The following GRIK4 variants were observed in gnomAD, a reference collection of about 807,000 sequenced individuals.
GRIK4 encodes the protein glutamate ionotropic receptor kainate type subunit 4.
Under a neutral mutation model 104.9 loss-of-function variants are expected in GRIK4, and 40 were observed. That is an observed-to-expected ratio of 0.38 (90% CI 0.30 to 0.50). GRIK4 has a LOEUF of 0.50. Among genes scored for constraint, GRIK4 ranks in the 20% least tolerant of loss-of-function variants. The pLI is 0.93. For synonymous variants in GRIK4, 485 were observed against 524.9 expected (o/e 0.92, Z 1.04); for missense variants, 1,047 against 1,308.1 (o/e 0.80, Z 3.08).
chr11:120,764,958 A>G (rs888980118), intron 3 of GRIK4, among the ~76,000 whole-genome samples: 2 of 152,052 alleles, frequency 1.3e-5, no homozygotes, highest in South Asian at 4.2e-4. Flanking sequence ...CTCTAGGAGT[A>G]TCTTTGTGGT....
chr11:120,932,733 T>G (rs1943508237), intron 13 of GRIK4, among the ~76,000 whole-genome samples: 1 of 152,076 alleles, frequency 6.6e-6, no homozygotes, highest in African/African-American at 2.4e-5. Context: ...TTAAATGACA[T>G]TGAAGAATGG....
chr11:120,775,403 T>C (rs2135463209), intron 3 of GRIK4, among the ~76,000 whole-genome samples: 1 of 152,362 alleles, frequency 6.6e-6, no homozygotes, highest in African/African-American at 2.4e-5. Context: ...GCCTGGGTTC[T>C]GGTCCCGACT....
At chr11:120,833,051 C>T (rs375790084) in intron 7 of GRIK4, among the ~76,000 whole-genome samples, 6 of 152,124 alleles carry the variant, frequency 3.9e-5, no homozygotes, top group African/African-American at 1.4e-4. Flanking sequence ...GTGAGGAGCC[C>T]GCAGACACTC....
intron 3 of GRIK4, among the ~76,000 whole-genome samples, chr11:120,662,698 G>A (rs931356937): frequency 6.6e-6 from 1 of 152,150 alleles, no homozygotes; most frequent in Non-Finnish European, 1.5e-5. Flanking sequence ...TGCTCCTCTC[G>A]CCTTCCCAGG....
chr11:120,962,592 T>C lies in GRIK4; in HGVS notation c.2177T>C (p.Met726Thr), dbSNP rs748600647. The C allele has an allele frequency of 1.4e-5, 22 of 1,614,172 alleles. No homozygotes were observed. Among genetic ancestry groups the C allele is most frequent in the Non-Finnish European group, 1.8e-5 (21 of 1,180,006 alleles). Residue 726 changes from methionine (M) to threonine (T), a missense_variant, in exon 18 of 21, where the codon ATG (methionine) becomes ACG (threonine). Physicochemically the swap from Met to Thr is moderately conservative, Grantham distance 81 (BLOSUM62 -1). Around this residue, in one of 3 missense-constraint regions of GRIK4, gnomAD observed 440 missense variants for 652.3 expected, o/e 0.67. Transcript: ENST00000527524. ...TACGCCTTCCTCCTGGAATCCACCA[T>C]GAACGAGTACTATCGGCAGCGAAAC... ...SNYAFLLEST[M>T]NEYYRQRNCN...
chr11:120,844,883 A>G (rs1165145196), intron 8 of GRIK4, among the ~76,000 whole-genome samples: 2 of 152,174 alleles, frequency 1.3e-5, no homozygotes, highest in African/African-American at 2.4e-5. Context: ...ACCAAGAATG[A>G]TCACTGAGGC....
chr11:120,677,408 A>G (rs112134703), intron 3 of GRIK4, among the ~76,000 whole-genome samples: 5 of 152,284 alleles, frequency 3.3e-5, no homozygotes, highest in African/African-American at 9.6e-5. Context: ...GCACAGATCT[A>G]TGTGTGCTTT....
At chr11:120,969,583 A>G (rs1238332891) in intron 19 of GRIK4, among the ~76,000 whole-genome samples, 1 of 152,180 alleles carries the variant, frequency 6.6e-6, no homozygotes, top group Non-Finnish European at 1.5e-5. Context: ...AAGAAGACAC[A>G]TGGATTGGAA....
At chr11:120,917,911 T>G (rs976846713) in intron 13 of GRIK4, among the ~76,000 whole-genome samples, 8 of 152,192 alleles carry the variant, frequency 5.3e-5, no homozygotes, top group African/African-American at 1.9e-4. Context: ...ATGTATTAAT[T>G]AAGGCATCTG....
rs1393641594 is a variant in GRIK4, at chr11:120,987,252, C to G, written c.*992C>G. 1 of 152,204 alleles carries G rather than the reference C, an allele frequency of 6.6e-6. No homozygotes were observed. 9.4% of individuals were successfully genotyped at this position (152,204 alleles called of 1,614,324 possible). ...AGATAGAATTTTCCCATACCATGGC[C>G]TTGGCTTCCGGTGGAACGTGCCGTT... On this transcript the variant is annotated 3_prime_UTR_variant, in exon 21 of 21. Transcript: ENST00000527524.
chr11:120,710,849 G>A (rs1950719892), intron 3 of GRIK4, among the ~76,000 whole-genome samples: 1 of 152,190 alleles, frequency 6.6e-6, no homozygotes, highest in Non-Finnish European at 1.5e-5. Flanking sequence ...TGTGCCTGGA[G>A]GCCTCTTTGC....
chr11:120,743,875 G>T (rs894369927), intron 3 of GRIK4, among the ~76,000 whole-genome samples: 1 of 152,234 alleles, frequency 6.6e-6, no homozygotes, highest in Non-Finnish European at 1.5e-5. Flanking sequence ...CTTTAAAGCT[G>T]CTGGTAAAGA....
chr11:120,812,886 C>A (rs1345533470), intron 4 of GRIK4, among the ~76,000 whole-genome samples: 1 of 152,176 alleles, frequency 6.6e-6, no homozygotes, highest in Non-Finnish European at 1.5e-5. Context: ...GAGTCAGGGG[C>A]AAAACCTGAA....
Position 120,715,841 on chromosome 11 carries a change from G to A in GRIK4, c.82+55441G>A, listed in dbSNP as rs149367604. 1.3e-3 allele frequency among the ~76,000 whole-genome samples: 197 copies of A among 152,234 alleles called. 2 individuals are homozygous for A. The highest frequency in any genetic ancestry group is 4.3e-3 in the African/African-American group (179 of 41,552). ...GGGAGACTGAAGCAGAAAATAGGAC[G>A]CAGCCTCCTCTGGGTTCCAGCCTTA... On this transcript the variant is annotated intron_variant, in intron 3 of 20. Transcript: ENST00000527524.
intron 1 of GRIK4, among the ~76,000 whole-genome samples, chr11:120,605,162 T>G (rs916621512): frequency 6.6e-6 from 1 of 152,194 alleles, no homozygotes; most frequent in Non-Finnish European, 1.5e-5. Flanking sequence ...TAAAAAACTT[T>G]CCAAGTGATA....
At chr11:120,844,764 C>T (rs1953810136) in intron 8 of GRIK4, among the ~76,000 whole-genome samples, 1 of 152,146 alleles carries the variant, frequency 6.6e-6, no homozygotes, top group Non-Finnish European at 1.5e-5. Flanking sequence ...GATTTGAAGT[C>T]AACGTTGTGC....
intron 1 of GRIK4, among the ~76,000 whole-genome samples, chr11:120,546,877 T>C (rs2252373): frequency 0.1 from 15,769 of 152,198 alleles, 2,727 homozygotes; most frequent in African/African-American, 0.36. Flanking sequence ...GATTCATAAT[T>C]TTGCTAGAGA....
At chr11:120,844,499 A>G (rs1301951077) in intron 8 of GRIK4, among the ~76,000 whole-genome samples, 1 of 152,226 alleles carries the variant, frequency 6.6e-6, no homozygotes, top group African/African-American at 2.4e-5. Flanking sequence ...TAAATATTGT[A>G]TGAGTGAAGG....
chr11:120,934,008 T>C (rs1943536613), intron 13 of GRIK4, among the ~76,000 whole-genome samples: 1 of 151,930 alleles, frequency 6.6e-6, no homozygotes, highest in African/African-American at 2.4e-5. Flanking sequence ...ATCGAGACCA[T>C]CCTGGCTAAC....
Sources: gnomAD v4.1 joint callset for allele counts (sites outside exome capture counted in the v4.1 genomes callset) on GRCh38, gnomAD v4.1.1 for gene constraint, gnomAD v4.1.1 regional missense constraint, MANE v1.5 for transcripts, NCBI Gene and HGNC (gene_info 2026-07-23, HGNC 2026-07-21) for gene names.